The following EIF2AK4 variants were observed in gnomAD, a reference collection of about 807,000 sequenced individuals.
EIF2AK4 encodes eukaryotic translation initiation factor 2 alpha kinase 4, also known as eIF-2-alpha kinase GCN2.
Under a neutral mutation model 211.1 loss-of-function variants are expected in EIF2AK4, and 139 were observed. The observed-to-expected ratio is 0.66, with a 90% CI of 0.57 to 0.76. The LOEUF (loss-of-function observed/expected upper bound fraction) is 0.76. Among genes scored for constraint, EIF2AK4 ranks in the 30% least tolerant of loss-of-function variants. EIF2AK4 has a pLI of 0.00. For missense variants in EIF2AK4, 1,664 were observed against 2,043.8 expected (o/e 0.81, Z 3.58); for synonymous variants, 710 against 751.3 (o/e 0.94, Z 0.90).
At chr15:39,979,330 AT>A (rs1348646295) in intron 13 of EIF2AK4, among the ~76,000 whole-genome samples, 1 of 152,234 alleles carries the variant, frequency 6.6e-6, no homozygotes, top group African/African-American at 2.4e-5. Context: ...AGATTAAGTA[AT>A]TGCAGTTTAA....
chr15:39,989,094 C>T (rs952414546), intron 15 of EIF2AK4, among the ~76,000 whole-genome samples: 2 of 152,122 alleles, frequency 1.3e-5, no homozygotes, highest in Admixed American at 1.3e-4. Flanking sequence ...CCTAGGAACA[C>T]GGGGAAACCA....
chr15:40,034,286 C>T, intron 37 of EIF2AK4, 40 bp from the exon 38 acceptor site: 1 of 1,548,766 alleles, frequency 6.5e-7, no homozygotes, highest in Non-Finnish European at 8.9e-7. Context: ...CTAGTAAACC[C>T]TAGAGACCTG....
At chr15:40,021,204 A>G (rs1048852550) in intron 31 of EIF2AK4, among the ~76,000 whole-genome samples, 177 bp downstream of exon 31, 1 of 152,176 alleles carries the variant, frequency 6.6e-6, no homozygotes, top group Non-Finnish European at 1.5e-5. Flanking sequence ...GCTTAAACAC[A>G]TATTTATTAT....
rs149623425 is a variant in EIF2AK4, at chr15:40,034,319, T to C, written c.4774-7T>C. 120 of 1,612,554 alleles carry C rather than the reference T, an allele frequency of 7.4e-5. No individual in the cohort carries two copies. The African/African-American group carries it at 1.0e-3, about 14-fold the overall frequency. ...CTGTTGTTAAGTCTTATCTATTTTT[T>C]TCCTAGTGGGATGCTGATGAACAGG... On this transcript the variant is annotated splice_region_variant and splice_polypyrimidine_tract_variant and intron_variant, in intron 37 of 38. Coordinates refer to ENST00000263791, the MANE Select transcript of EIF2AK4 (RefSeq NM_001013703.4).
intron 7 of EIF2AK4, among the ~76,000 whole-genome samples, chr15:39,964,989 C>G (rs1200057087): frequency 6.6e-6 from 1 of 152,134 alleles, no homozygotes; most frequent in African/African-American, 2.4e-5. Context: ...ATGGCTTGTT[C>G]TCTATTTTCA....
rs1410907088 is a variant in EIF2AK4 at position 40,035,087 on chromosome 15, C to T, written c.*3C>T. ...ACTACTACAGAATCTTATTTTAACC[C>T]TAAAGAACTGTCGTTAACCTCATTC... On this transcript the variant is annotated 3_prime_UTR_variant, in exon 39 of 39. Coordinates refer to ENST00000263791, the MANE Select transcript of EIF2AK4 (RefSeq NM_001013703.4). 1.3e-6 allele frequency: 2 copies of T among 1,571,250 alleles called. No homozygotes were observed. The highest frequency in any genetic ancestry group is 1.3e-5 in the African/African-American group (1 of 74,256).
intron 7 of EIF2AK4, among the ~76,000 whole-genome samples, chr15:39,962,954 A>T (rs1227606582): frequency 6.6e-6 from 1 of 152,218 alleles, no homozygotes; most frequent in Non-Finnish European, 1.5e-5. Context: ...TTTTTGCCAG[A>T]AGTAACAGGT....
chr15:39,934,218 C>T lies in EIF2AK4; in HGVS notation c.23C>T (p.Pro8Leu), dbSNP rs2034028168. Residue 8 changes from proline to leucine, a missense_variant, in exon 1 of 39, where the codon CCC becomes CTC. By Grantham distance (98) the Pro-to-Leu change is moderately conservative (BLOSUM62 -3). Transcript: ENST00000263791. ...GCCATGGCTGGGGGCCGTGGGGCCC[C>T]CGGGCGCGGCCGGGACGAGCCTCCG... The part of the protein sequence containing the change: MAGGRGA[P>L]GRGRDEPPES... The T allele has an allele frequency of 2.5e-6, 4 of 1,587,364 alleles. No homozygotes were observed. In the East Asian group the frequency reaches 9.2e-5, roughly 37 times the overall value.
intron 18 of EIF2AK4, among the ~76,000 whole-genome samples, chr15:39,994,573 C>T (rs931123241): frequency 2.6e-5 from 4 of 152,204 alleles, no homozygotes; most frequent in Admixed American, 6.5e-5. Flanking sequence ...CATGCCAGTG[C>T]ACTCCAGCCT....
intron 33 of EIF2AK4, 37 bp downstream of exon 33, chr15:40,026,126 A>G (rs1391454672): frequency 6.4e-7 from 1 of 1,557,148 alleles, no homozygotes; most frequent in Non-Finnish European, 8.8e-7. Context: ...AAGTGACTTC[A>G]GTTACCTATA....
At chr15:40,009,822 G>A in intron 26 of EIF2AK4, 92 bp downstream of exon 26, 1 of 928,784 alleles carries the variant, frequency 1.1e-6, no homozygotes, top group Non-Finnish European at 1.7e-6. Context: ...TACCCATGCA[G>A]CCATGAAACT....
intron 11 of EIF2AK4, among the ~76,000 whole-genome samples, chr15:39,975,754 A>C (rs1344260893): frequency 6.6e-6 from 1 of 152,208 alleles, no homozygotes; most frequent in Non-Finnish European, 1.5e-5. Context: ...ATCAATGGGC[A>C]GTGATTGTGT....
At chr15:39,939,413 T>G in intron 1 of EIF2AK4, 92 bp from the exon 2 acceptor site, 1 of 650,530 alleles carries the variant, frequency 1.5e-6, no homozygotes, top group East Asian at 3.0e-5. Context: ...ATTTTTAAAG[T>G]AGAACTTTTG....
intron 14 of EIF2AK4, among the ~76,000 whole-genome samples, chr15:39,987,732 C>T (rs1029076071): frequency 6.6e-6 from 1 of 152,084 alleles, no homozygotes; most frequent in Admixed American, 6.5e-5. Flanking sequence ...TTAAACAAGT[C>T]ATATTTTTAA....
Position 40,003,331 on chromosome 15 carries a change from A to G in EIF2AK4, c.3357+17A>G, listed in dbSNP as rs745433528. On this transcript the variant is annotated intron_variant, in intron 23 of 38. Transcript: ENST00000263791. ...GACCTGCGGGTGAGGCTGGGAACAC[A>G]CTGCTGACAATCAGAATGCTGTATC... is the stretch of plus-strand genomic sequence containing the variant. The G allele has an allele frequency of 3.0e-5, 49 of 1,613,358 alleles. No individual in the cohort carries two copies. The highest frequency in any genetic ancestry group is 3.8e-5 in the Non-Finnish European group (45 of 1,179,748).
At chr15:39,971,303 C>G (rs1441655490) in intron 9 of EIF2AK4, among the ~76,000 whole-genome samples, 1 of 152,088 alleles carries the variant, frequency 6.6e-6, no homozygotes, top group Admixed American at 6.6e-5. Context: ...GCAGGCAGAT[C>G]ACTTGAGGTC....
At chr15:39,973,570 C>T in intron 10 of EIF2AK4, 22 bp from the exon 11 acceptor site, 1 of 1,600,474 alleles carries the variant, frequency 6.2e-7, no homozygotes, top group Non-Finnish European at 8.5e-7. Flanking sequence ...TCATGTGCCT[C>T]TTACTCCCTG....
rs539270395 is a variant in EIF2AK4, at chr15:39,970,123, A to G, written c.1553+2244A>G. 8.5e-5 allele frequency among the ~76,000 whole-genome samples: 13 copies of G among 152,352 alleles called. No homozygotes were observed. The South Asian group carries it at 2.5e-3, about 29-fold the overall frequency. On this transcript the variant is annotated intron_variant, in intron 9 of 38. Coordinates refer to ENST00000263791, the MANE Select transcript of EIF2AK4 (RefSeq NM_001013703.4). The stretch of plus-strand genomic sequence containing the variant: ...CCAGACTGAGTCAGTGCTGGTTTTC[A>G]TCACCATCCTCAGTAGTGAGAACTA...
rs780112512 is a variant in EIF2AK4, at chr15:40,030,375, T to C, written c.4578T>C (p.His1526=). Residue 1526 remains histidine, a synonymous_variant, in exon 35 of 39, where the codon CAT becomes CAC. Coordinates refer to ENST00000263791, the MANE Select transcript of EIF2AK4 (RefSeq NM_001013703.4). ...FSNASGLFEI[H]GATVVPIVSV... ...TGGTCTCAGGTTTGTTTGAAATCCA[T>C]GGAGCAACAGTGGTTCCCATTGTGA... The C allele has an allele frequency of 1.2e-6, 2 of 1,614,126 alleles. No homozygotes were observed. Among genetic ancestry groups the C allele is most frequent in the African/African-American group, 1.3e-5 (1 of 75,052 alleles).
Sources: allele counts gnomAD v4.1 joint callset (sites outside exome capture counted in the v4.1 genomes callset), GRCh38; gene constraint gnomAD v4.1.1; transcripts MANE v1.5; gene names NCBI Gene and HGNC (gene_info 2026-07-23, HGNC 2026-07-21).